The following NCKAP5 variants were observed in gnomAD, a reference collection of about 807,000 sequenced individuals.
The protein encoded by NCKAP5 is nck-associated protein 5.
In NCKAP5, 92 loss-of-function variants were observed where a neutral mutation model predicts 167.0. That is an observed-to-expected ratio of 0.55 (90% CI 0.47 to 0.66). The LOEUF (loss-of-function observed/expected upper bound fraction) is 0.66. Ranked by LOEUF, NCKAP5 falls within the 30% of genes least tolerant of loss-of-function variation. NCKAP5 has a pLI of 0.00. For synonymous variants in NCKAP5, 891 were observed against 877.4 expected (o/e 1.02, Z -0.27); for missense variants, 2,378 against 2,315.0 (o/e 1.03, Z -0.56).
intron 16 of NCKAP5, among the ~76,000 whole-genome samples, chr2:132,735,098 A>G (rs1691385019): frequency 6.6e-6 from 1 of 152,174 alleles, no homozygotes; most frequent in South Asian, 2.1e-4. Flanking sequence ...AACCATATCT[A>G]TATAGTTCTG....
chr2:133,332,231 C>T (rs918285563), intron 3 of NCKAP5, among the ~76,000 whole-genome samples: 4 of 152,102 alleles, frequency 2.6e-5, no homozygotes, highest in African/African-American at 9.7e-5. Context: ...TTAAATGCAC[C>T]TTTTTCTTCA....
intron 11 of NCKAP5, among the ~76,000 whole-genome samples, chr2:132,822,274 C>G (rs140818166): frequency 1.3e-5 from 2 of 152,284 alleles, no homozygotes; most frequent in Non-Finnish European, 1.5e-5. Context: ...ATTGAACATA[C>G]GTATAACCAT....
chr2:133,529,838 G>C (rs1456691107), intron 2 of NCKAP5, among the ~76,000 whole-genome samples: 1 of 152,026 alleles, frequency 6.6e-6, no homozygotes. Flanking sequence ...TTTTTCTCTG[G>C]ATTGCCTACT....
Position 133,109,762 on chromosome 2 carries a change from G to GAA in NCKAP5, c.341+20214_341+20215dup, listed in dbSNP as rs35328665. On this transcript the variant is annotated intron_variant, in intron 6 of 19. Coordinates refer to ENST00000409261, the MANE Select transcript of NCKAP5 (RefSeq NM_207363.3). ...TTTCCCAATGGGATCAAGTTTTTCTGAAAAAAAAAAAACTTACGTAAAACC... is the reference window on the plus strand; with the variant it reads ...TTTCCCAATGGGATCAAGTTTTTCTGAAAAAAAAAAAAAACTTACGTAAAACC... Among the ~76,000 whole-genome samples, 784 of 142,426 alleles carry GAA rather than the reference G, an allele frequency of 5.5e-3. 2 individuals are homozygous for GAA. The highest frequency in any genetic ancestry group is 0.019 in the African/African-American group (736 of 39,272). 93.4% of individuals were successfully genotyped at this position (142,426 alleles called of 152,430 possible).
the NCKAP5 span, among the ~76,000 whole-genome samples, chr2:133,639,076 C>T: frequency 2.0e-5 from 3 of 152,218 alleles, no homozygotes; most frequent in East Asian, 3.9e-4. Flanking sequence ...TAAGACACAG[C>T]ATGATCAATC....
chr2:133,569,712 G>A (rs1453552863), upstream of NCKAP5, among the ~76,000 whole-genome samples: 1 of 152,164 alleles, frequency 6.6e-6, no homozygotes, highest in Non-Finnish European at 1.5e-5. Flanking sequence ...CCCAGCAGAT[G>A]CTCATTGCAT....
chr2:133,619,814 A>C, the NCKAP5 span, among the ~76,000 whole-genome samples: 1 of 152,180 alleles, frequency 6.6e-6, no homozygotes, highest in Non-Finnish European at 1.5e-5. Context: ...AGGTTATCTA[A>C]AGTCAAGACG....
intron 6 of NCKAP5, among the ~76,000 whole-genome samples, chr2:133,120,320 C>T (rs900124009): frequency 6.6e-6 from 1 of 152,182 alleles, no homozygotes; most frequent in African/African-American, 2.4e-5. Context: ...CATTTATAAA[C>T]AAGGACCATC....
chr2:133,293,776 A>T (rs1679763667), intron 4 of NCKAP5, among the ~76,000 whole-genome samples: 1 of 152,150 alleles, frequency 6.6e-6, no homozygotes, highest in Admixed American at 6.5e-5. Flanking sequence ...CTGAGAGGCC[A>T]GACTCTTATC....
chr2:133,321,701 A>G (rs1682068802), intron 3 of NCKAP5, among the ~76,000 whole-genome samples: 1 of 152,196 alleles, frequency 6.6e-6, no homozygotes, highest in Admixed American at 6.5e-5. Context: ...TGGCTGTTAA[A>G]AGTACCTGAC....
chr2:133,074,304 C>A (rs1270809913), intron 6 of NCKAP5, among the ~76,000 whole-genome samples: 4 of 151,698 alleles, frequency 2.6e-5, no homozygotes, highest in African/African-American at 9.7e-5. Flanking sequence ...AAAACAAGAA[C>A]TTTGAAATAA....
At chr2:133,266,862 G>A (rs955654277) in intron 4 of NCKAP5, among the ~76,000 whole-genome samples, 1 of 152,190 alleles carries the variant, frequency 6.6e-6, no homozygotes, top group African/African-American at 2.4e-5. Flanking sequence ...TTAAAGATCT[G>A]CCTGGGAGCG....
At chr2:132,816,713 G>A (rs981919998) in intron 11 of NCKAP5, among the ~76,000 whole-genome samples, 3 of 152,162 alleles carry the variant, frequency 2.0e-5, no homozygotes, top group African/African-American at 4.8e-5. Context: ...GATGACACTT[G>A]TCCTGTTACT....
the NCKAP5 span, among the ~76,000 whole-genome samples, chr2:133,619,451 A>G: frequency 2.6e-5 from 4 of 152,020 alleles, no homozygotes; most frequent in Non-Finnish European, 5.9e-5. Context: ...AATGCACTGG[A>G]AAGTCTCAGC....
intron 4 of NCKAP5, among the ~76,000 whole-genome samples, chr2:133,279,559 T>A (rs1427484297): frequency 6.6e-6 from 1 of 152,238 alleles, no homozygotes; most frequent in African/African-American, 2.4e-5. Context: ...TGTTACTAAG[T>A]TTCTGTTTTA....
At chr2:133,126,073 C>T (rs770225345) in intron 6 of NCKAP5, among the ~76,000 whole-genome samples, 10 of 152,342 alleles carry the variant, frequency 6.6e-5, no homozygotes, top group African/African-American at 2.2e-4. Flanking sequence ...AGCCATCAGG[C>T]TCATCACACA....
chr2:133,358,909 G>C (rs1024490239), intron 3 of NCKAP5, among the ~76,000 whole-genome samples: 2 of 152,114 alleles, frequency 1.3e-5, no homozygotes, highest in South Asian at 4.1e-4. Flanking sequence ...ACGTGTTAAA[G>C]CATCTCAGTT....
intron 7 of NCKAP5, among the ~76,000 whole-genome samples, chr2:132,967,536 A>T (rs952387400): frequency 4.6e-5 from 7 of 152,202 alleles, no homozygotes; most frequent in Non-Finnish European, 8.8e-5. Context: ...CAGTTTGATT[A>T]TAATAGAGAA....
At chr2:133,432,842 G>A (rs1690242702) in intron 3 of NCKAP5, among the ~76,000 whole-genome samples, 2 of 152,106 alleles carry the variant, frequency 1.3e-5, no homozygotes, top group Admixed American at 1.3e-4. Flanking sequence ...CTATGAAATG[G>A]GGATATTATT....
Sources: gnomAD v4.1 joint callset for allele counts (sites outside exome capture counted in the v4.1 genomes callset) on GRCh38, gnomAD v4.1.1 for gene constraint, MANE v1.5 for transcripts, NCBI Gene and HGNC (gene_info 2026-07-23, HGNC 2026-07-21) for gene names.